The following RNMT variants were observed in gnomAD, a reference collection of about 807,000 sequenced individuals.
RNMT encodes mRNA cap guanine-N(7) methyltransferase.
RNMT carries 27 observed loss-of-function variants against 56.0 expected under a neutral mutation model. The ratio of observed to expected loss-of-function variants is 0.48; its 90% confidence interval spans 0.36 to 0.67. The LOEUF (loss-of-function observed/expected upper bound fraction) is 0.67, where lower values mean the gene tolerates loss of function less well. Among genes scored for constraint, RNMT ranks in the 30% least tolerant of loss-of-function variants. The probability of loss-of-function intolerance (pLI) is 0.00; values close to 1 mark genes in which losing one functional copy is unlikely to be tolerated. For missense variants in RNMT, 519 were observed against 552.1 expected, an observed-to-expected ratio of 0.94 and a Z score of 0.60; for synonymous variants, 184 against 176.2, an observed-to-expected ratio of 1.04 and a Z score of -0.35.
rs1183963381 is a variant in RNMT at position 13,731,873 on chromosome 18, C to G, written c.356C>G (p.Thr119Ser). 6 of 1,607,872 alleles carry G rather than the reference C, an allele frequency of 3.7e-6. No individual in the cohort carries two copies. Among genetic ancestry groups the G allele is most frequent in the Middle Eastern group, 1.7e-4 (1 of 6,058 alleles). The change falls in exon 3 of 12, where the codon ACT becomes AGT. Residue 119 changes from threonine (T) to serine (S), a missense_variant. Physicochemically the swap from Thr to Ser is moderately conservative, Grantham distance 58 (BLOSUM62 1). Coordinates refer to ENST00000383314, the MANE Select transcript of RNMT (RefSeq NM_003799.3). ...GATGTTCCAAAAGATAAATCTTCTA[C>G]TGGAGATGGCACTCAAAATAAGAGA... ...TEDVPKDKSS[T>S]GDGTQNKRKI... is the part of the protein sequence containing the mutation.
intron 9 of RNMT, among the ~76,000 whole-genome samples, 199 bp from the exon 10 acceptor site, chr18:13,752,126 AT>A (rs111485877): frequency 5.9e-5 from 9 of 152,170 alleles, no homozygotes; most frequent in African/African-American, 1.4e-4. Context: ...CTAGTATAAT[AT>A]TTAAAAAAAA....
At chr18:13,728,843 G>A (rs1052585654) in intron 1 of RNMT, among the ~76,000 whole-genome samples, 8 of 150,740 alleles carry the variant, frequency 5.3e-5, no homozygotes, top group African/African-American at 1.9e-4. Context: ...CTTTTTTTTT[G>A]CTATTGAGTT....
In RNMT at chr18:13,732,856, G is replaced by A. The variant is rs576174866; in HGVS notation, c.417+922G>A. Among the ~76,000 whole-genome samples the A allele has an allele frequency of 6.0e-5, 9 of 148,814 alleles. No individual in the cohort carries two copies. The South Asian group carries it at 2.0e-3, about 33-fold the overall frequency. On this transcript the variant is annotated intron_variant, in intron 3 of 11. Transcript: ENST00000383314. Reference sequence around the variant, plus strand: ...CACCTCCCGGGACCTCCACCTCCCGGGTTCAAGCGATTCTCCTGCCTCAGC... The same window carrying A: ...CACCTCCCGGGACCTCCACCTCCCGAGTTCAAGCGATTCTCCTGCCTCAGC...
Position 13,762,133 on chromosome 18 carries a change from C to G in RNMT, c.*2154C>G. ...CAAGCTCAGTGAAGTGGGGCACTCC[C>G]AGACCTGCCATGCAGTTTATCCTCT... On this transcript the variant is annotated 3_prime_UTR_variant, in exon 12 of 12. Coordinates refer to ENST00000383314, the MANE Select transcript of RNMT (RefSeq NM_003799.3). 6.5e-7 allele frequency: 1 copy of G among 1,535,556 alleles called. No individual in the cohort carries two copies.
chr18:13,754,577 G>A (rs974364229), intron 11 of RNMT, among the ~76,000 whole-genome samples: 5 of 152,190 alleles, frequency 3.3e-5, no homozygotes, highest in Non-Finnish European at 5.9e-5. Context: ...ACACAAATAC[G>A]TATATCTCTA....
chr18:13,739,513 G>A (rs1465543744), intron 5 of RNMT, among the ~76,000 whole-genome samples: 1 of 152,182 alleles, frequency 6.6e-6, no homozygotes, highest in Non-Finnish European at 1.5e-5. Flanking sequence ...TGGGCACAGT[G>A]GTTCATGCCT....
intron 3 of RNMT, among the ~76,000 whole-genome samples, chr18:13,732,290 G>A (rs554666010): frequency 6.6e-6 from 1 of 152,074 alleles, no homozygotes; most frequent in Non-Finnish European, 1.5e-5. Flanking sequence ...CAACCTCCTG[G>A]GCATAAGCAG....
At chr18:13,750,811 G>A (rs2044430172) in intron 9 of RNMT, among the ~76,000 whole-genome samples, 2 of 151,738 alleles carry the variant, frequency 1.3e-5, no homozygotes, top group South Asian at 2.1e-4. Flanking sequence ...AAAAAAAAAA[G>A]ATGCTAGTTT....
At chr18:13,746,394 C>A in intron 9 of RNMT, 57 bp downstream of exon 9, 4 of 953,558 alleles carry the variant, frequency 4.2e-6, no homozygotes, top group Non-Finnish European at 6.7e-6. Flanking sequence ...TTTGGCTGTT[C>A]TTGAGATCCT....
At chr18:13,748,412 A>G (rs76745509) in intron 9 of RNMT, among the ~76,000 whole-genome samples, 1 of 152,142 alleles carries the variant, frequency 6.6e-6, no homozygotes. Flanking sequence ...ACCAGATAAG[A>G]GTTAGGACAC....
At position 13,731,577 on chromosome 18, in the gene RNMT, G is replaced by A. The variant is rs773756587; in HGVS notation, c.60G>A (p.Ala20=). The A allele has an allele frequency of 1.2e-5, 20 of 1,612,754 alleles. No individual in the cohort carries two copies. The highest frequency in any genetic ancestry group is 1.4e-5 in the Non-Finnish European group (16 of 1,179,718). ...YEKMSLEQAK[A]SVNSETESSF... ...AGATGTCTCTTGAACAGGCAAAAGC[G>A]TCAGTGAATTCTGAAACAGAGTCTT... The change falls in exon 3 of 12, where the codon GCG becomes GCA. Residue 20 remains alanine (A), a synonymous_variant. Coordinates refer to ENST00000383314, the MANE Select transcript of RNMT (RefSeq NM_003799.3).
At position 13,762,764 on chromosome 18, in the gene RNMT, T is replaced by C. The variant is rs1158811929; in HGVS notation, c.*2785T>C. On this transcript the variant is annotated 3_prime_UTR_variant, in exon 12 of 12. Transcript: ENST00000383314. ...CCATGAGATGGCCAGGTATCCAGTT[T>C]TGTTAACTCTCTTTGGGAATTTCTT... is the stretch of plus-strand genomic sequence containing the variant. 3.7e-6 allele frequency: 1 copy of C among 273,018 alleles called. No homozygotes were observed. The highest frequency in any genetic ancestry group is 2.2e-5 in the African/African-American group (1 of 45,620). The allele number at this position is 273,018 out of a possible 1,614,324, so 16.9% of individuals were successfully genotyped here.
intron 10 of RNMT, among the ~76,000 whole-genome samples, chr18:13,753,391 G>C (rs2044484320): frequency 1.3e-5 from 2 of 152,002 alleles, no homozygotes. Context: ...GGTGAACCCG[G>C]GAGGCGGAGC....
At chr18:13,749,427 C>A (rs901173498) in intron 9 of RNMT, among the ~76,000 whole-genome samples, 5 of 152,168 alleles carry the variant, frequency 3.3e-5, no homozygotes, top group African/African-American at 4.8e-5. Flanking sequence ...CTGAGTACTT[C>A]TAAAACAGCA....
At chr18:13,742,726 A>G in intron 8 of RNMT, 74 bp downstream of exon 8, 4 of 1,129,492 alleles carry the variant, frequency 3.5e-6, no homozygotes, top group East Asian at 5.1e-5. Context: ...AGCAATATTT[A>G]TTTTACTCTT....
chr18:13,750,232 T>G (rs11080685), intron 9 of RNMT, among the ~76,000 whole-genome samples: 38,644 of 152,144 alleles, frequency 0.25, 5,625 homozygotes, highest in Non-Finnish European at 0.34. Context: ...GGGAAATGTC[T>G]GTATTTTGGA....
At position 13,731,838 on chromosome 18, in the gene RNMT, A is replaced by T; in HGVS notation, c.321A>T (p.Arg107Ser). The stretch of plus-strand genomic sequence containing the variant: ...AAGGCAATTCAAAGAAAAGAAAAAG[A>T]GAAACTGAGGATGTTCCAAAAGATA... ...DAEGNSKKRK[R>S]ETEDVPKDKS... The change falls in exon 3 of 12, where the codon AGA (arginine) becomes AGT (serine). Residue 107 changes from arginine to serine, a missense_variant. Physicochemically the swap from Arg to Ser is moderately radical, Grantham distance 110. Transcript: ENST00000383314. 1 of 1,613,526 alleles carries T rather than the reference A, an allele frequency of 6.2e-7. No individual in the cohort carries two copies. The highest frequency in any genetic ancestry group is 8.5e-7 in the Non-Finnish European group (1 of 1,179,918).
chr18:13,749,876 C>T (rs1035431181), intron 9 of RNMT, among the ~76,000 whole-genome samples: 1 of 149,752 alleles, frequency 6.7e-6, no homozygotes, highest in Non-Finnish European at 1.5e-5. Context: ...CCTTTCACCT[C>T]CCCCTTCTGA....
chr18:13,727,366 C>G (rs915593901), intron 1 of RNMT, among the ~76,000 whole-genome samples: 3 of 152,206 alleles, frequency 2.0e-5, no homozygotes, highest in Non-Finnish European at 4.4e-5. Context: ...AGTCGACCAC[C>G]TTTCGAAGGT....
Sources: allele counts gnomAD v4.1 joint callset (sites outside exome capture counted in the v4.1 genomes callset), GRCh38; gene constraint gnomAD v4.1.1; transcripts MANE v1.5; gene names NCBI Gene and HGNC (gene_info 2026-07-23, HGNC 2026-07-21).